The following NCOA2 variants were observed in gnomAD, a reference collection of about 807,000 sequenced individuals.
NCOA2 encodes nuclear receptor coactivator 2, also known as class E basic helix-loop-helix protein 75.
Under a neutral mutation model 145.1 loss-of-function variants are expected in NCOA2, and 21 were observed. The ratio of observed to expected loss-of-function variants is 0.14; its 90% CI spans 0.10 to 0.21. NCOA2 has a LOEUF of 0.21. Ranked by LOEUF, NCOA2 falls within the 10% of genes least tolerant of loss-of-function variation. The pLI is 1.00. For synonymous variants in NCOA2, 619 were observed against 637.5 expected, an observed-to-expected ratio of 0.97 and a Z score of 0.44; for missense variants, 1,472 against 1,837.6, an observed-to-expected ratio of 0.80 and a Z score of 3.64.
intron 4 of NCOA2, among the ~76,000 whole-genome samples, chr8:70,181,620 C>G (rs1563579326): frequency 6.6e-6 from 1 of 152,094 alleles, no homozygotes; most frequent in African/African-American, 2.4e-5. Context: ...TAGATAGAAT[C>G]TCTGACTAAA....
chr8:70,420,601 A>T, the NCOA2 span, among the ~76,000 whole-genome samples: 1 of 152,178 alleles, frequency 6.6e-6, no homozygotes, highest in South Asian at 2.1e-4. Flanking sequence ...TTCTCCCTTC[A>T]GGAGGCTGGG....
the NCOA2 span, among the ~76,000 whole-genome samples, chr8:70,424,887 G>T: frequency 8.2e-3 from 1,256 of 152,312 alleles, 15 homozygotes; most frequent in African/African-American, 0.029. Context: ...CTCAAGGGCA[G>T]TTCAAAAGGC....
chr8:70,373,716 G>A (rs1437711227), intron 1 of NCOA2, among the ~76,000 whole-genome samples: 1 of 152,058 alleles, frequency 6.6e-6, no homozygotes, highest in East Asian at 1.9e-4. Flanking sequence ...TAGTTTTTAT[G>A]TATTTTATGA....
At chr8:70,444,644 C>T in the NCOA2 span, among the ~76,000 whole-genome samples, 773 of 152,144 alleles carry the variant, frequency 5.1e-3, 8 homozygotes, top group African/African-American at 0.018. Context: ...ATGGGATCTC[C>T]CCACATTATT....
intron 1 of NCOA2, among the ~76,000 whole-genome samples, chr8:70,390,553 G>A (rs1205756411): frequency 6.6e-6 from 1 of 151,672 alleles, no homozygotes; most frequent in African/African-American, 2.4e-5. Context: ...GATCACTTGA[G>A]CCCAGTCCAA....
the NCOA2 span, among the ~76,000 whole-genome samples, chr8:70,442,144 A>AAAGAAAGAAAGAAAGAAAGG: frequency 0.01 from 1,291 of 128,458 alleles, 32 homozygotes; most frequent in African/African-American, 0.023. Flanking sequence ...AGAAAGAAAG[A>AAAGAAAGAAAGAAAGAAAGG]AAGAAAGAAA....
At chr8:70,178,116 G>A (rs775373064) in intron 4 of NCOA2, among the ~76,000 whole-genome samples, 2 of 152,094 alleles carry the variant, frequency 1.3e-5, no homozygotes, top group Non-Finnish European at 2.9e-5. Context: ...AATCAGGCAG[G>A]TTCCTCAACA....
Position 70,131,876 on chromosome 8 carries a change from C to T in NCOA2, c.3285G>A (p.Glu1095=), listed in dbSNP as rs1445586227. 6.2e-7 allele frequency: 1 copy of T among 1,600,680 alleles called. No homozygotes were observed. The highest frequency in any genetic ancestry group is 8.5e-7 in the Non-Finnish European group (1 of 1,173,986). ...CGGGTATTCCTAAGGCTCTATCAAT[C>T]TCCTCCAGGCCATCAAAATTCCGCA... The part of the protein sequence containing the change: ...LALRNFDGLE[E]IDRALGIPEL... The change falls in exon 16 of 23, where the codon GAG becomes GAA. Residue 1095 remains glutamate, a synonymous_variant. Coordinates refer to ENST00000452400, the MANE Select transcript of NCOA2 (RefSeq NM_006540.4).
chr8:70,409,813 T>C, the NCOA2 span, among the ~76,000 whole-genome samples: 1 of 152,056 alleles, frequency 6.6e-6, no homozygotes, highest in East Asian at 1.9e-4. Flanking sequence ...GAGGCTGCAG[T>C]GAGCCATGAT....
chr8:70,339,554 G>T (rs1196946834), intron 1 of NCOA2, among the ~76,000 whole-genome samples: 1 of 151,876 alleles, frequency 6.6e-6, no homozygotes, highest in East Asian at 1.9e-4. Flanking sequence ...ACTACCATTG[G>T]CATTCTTCAC....
At chr8:70,152,577 G>C (rs1811863392) in intron 11 of NCOA2, among the ~76,000 whole-genome samples, 1 of 152,154 alleles carries the variant, frequency 6.6e-6, no homozygotes. Flanking sequence ...AGCAGCATTA[G>C]AAAGGACCCA....
the NCOA2 span, among the ~76,000 whole-genome samples, chr8:70,431,055 A>C: frequency 1.3e-5 from 2 of 152,224 alleles, no homozygotes; most frequent in African/African-American, 4.8e-5. Flanking sequence ...ACATTAAAAC[A>C]CTAAACTCTA....
chr8:70,324,263 T>A (rs1806353159), intron 1 of NCOA2, among the ~76,000 whole-genome samples: 1 of 152,216 alleles, frequency 6.6e-6, no homozygotes, highest in South Asian at 2.1e-4. Context: ...CATTCATTCA[T>A]TCTCTAGTTC....
intron 1 of NCOA2, among the ~76,000 whole-genome samples, chr8:70,379,441 C>T (rs1811984073): frequency 6.6e-6 from 1 of 152,164 alleles, no homozygotes; most frequent in South Asian, 2.1e-4. Context: ...CTTTTCAGTT[C>T]CCTAGCAGAC....
At chr8:70,401,923 G>C (rs1814289219) in intron 1 of NCOA2, 1 of 152,276 alleles carries the variant, frequency 6.6e-6, no homozygotes, top group Non-Finnish European at 1.5e-5. Flanking sequence ...TCGTGTCTAA[G>C]ACAACGTCTA....
the NCOA2 span, among the ~76,000 whole-genome samples, chr8:70,447,700 T>C: frequency 2.0e-5 from 3 of 149,796 alleles, no homozygotes; most frequent in Admixed American, 6.6e-5. Context: ...TTTTTTTTTT[T>C]CTGAGACAGG....
At chr8:70,133,965 G>A (rs1007391948) in intron 15 of NCOA2, among the ~76,000 whole-genome samples, 20 of 152,074 alleles carry the variant, frequency 1.3e-4, no homozygotes, top group Admixed American at 1.0e-3. Context: ...CTGCTTCCCC[G>A]ACTTCCTCAC....
chr8:70,159,243 T>TATATATATA lies in NCOA2; in HGVS notation c.1124+261_1124+262insTATATATAT, dbSNP rs869045939. ...AACATTATATATATATATATATATA[T>TATATATATA]TTTTTTTTTTTTCCCCCAAATATTT... On this transcript the variant is annotated intron_variant, in intron 10 of 22. Coordinates refer to ENST00000452400, the MANE Select transcript of NCOA2 (RefSeq NM_006540.4). Among the ~76,000 whole-genome samples the TATATATATA allele has an allele frequency of 1.8e-3, 147 of 82,058 alleles. 2 individuals are homozygous for TATATATATA. Among genetic ancestry groups the TATATATATA allele is most frequent in the African/African-American group, 6.9e-3 (138 of 20,110 alleles). The allele number at this position is 82,058 out of a possible 152,430, so 53.8% of individuals were successfully genotyped here.
intron 2 of NCOA2, among the ~76,000 whole-genome samples, chr8:70,240,455 G>C (rs1439736894): frequency 1.3e-5 from 2 of 152,050 alleles, no homozygotes; most frequent in East Asian, 3.9e-4. Context: ...GCTCTGTCTT[G>C]TTTCAGATCT....
Sources: allele counts gnomAD v4.1 joint callset (sites outside exome capture counted in the v4.1 genomes callset), GRCh38; gene constraint gnomAD v4.1.1; transcripts MANE v1.5; gene names NCBI Gene and HGNC (gene_info 2026-07-23, HGNC 2026-07-21).